Variants in M1AP observed in about 807,000 individuals in gnomAD.
The protein encoded by M1AP is meiosis 1 arrest protein.
M1AP carries 39 observed loss-of-function variants against 51.2 expected under a neutral mutation model. That is an observed-to-expected ratio of 0.76 (90% CI 0.59 to 1.00). The LOEUF (loss-of-function observed/expected upper bound fraction) is 1.00. M1AP is among the 50% of genes least tolerant of loss of function. M1AP has a pLI of 0.00. For missense variants in M1AP, 545 were observed against 641.2 expected (o/e 0.85, Z 1.62); for synonymous variants, 251 against 249.2 (o/e 1.01, Z -0.07).
intron 2 of M1AP, chr2:74,615,704 C>T (rs888917831): frequency 6.5e-6 from 1 of 153,030 alleles, no homozygotes; most frequent in African/African-American, 2.4e-5. Context: ...CATGTTAAAC[C>T]GAGACAAGCG....
chr2:74,616,747 T>C (rs1186832937), intron 2 of M1AP, among the ~76,000 whole-genome samples: 3 of 152,332 alleles, frequency 2.0e-5, no homozygotes, highest in South Asian at 4.1e-4. Context: ...TATACAAATT[T>C]TGAGAAATAA....
chr2:74,582,129 C>G (rs1679444457), intron 4 of M1AP, among the ~76,000 whole-genome samples: 3 of 152,146 alleles, frequency 2.0e-5, no homozygotes, highest in Admixed American at 6.5e-5. Flanking sequence ...GAGATGAGGT[C>G]TCGCTATGTT....
rs188258698 is a variant in M1AP at position 74,618,202 on chromosome 2, T to A, written c.241-3053A>T. Among the ~76,000 whole-genome samples, 47 of 152,298 alleles carry A rather than the reference T, an allele frequency of 3.1e-4. 1 individual carries two copies. The highest frequency in any genetic ancestry group is 1.1e-3 in the Admixed American group (17 of 15,300). The stretch of plus-strand genomic sequence containing the variant: ...TGAAGGAATTCCATGATCACAGATG[T>A]AATCAGCAGCCACAGCAATGGACCT... On this transcript the variant is annotated intron_variant, in intron 2 of 10. Transcript: ENST00000421985.
At chr2:74,602,397 C>CA in intron 4 of M1AP, among the ~76,000 whole-genome samples, 1 of 152,186 alleles carries the variant, frequency 6.6e-6, no homozygotes, top group East Asian at 1.9e-4. Flanking sequence ...CATCCATATA[C>CA]AAAAATTTTC....
At chr2:74,562,059 T>A in intron 8 of M1AP, 158 bp downstream of exon 8, 1 of 985,452 alleles carries the variant, frequency 1.0e-6, no homozygotes, top group Non-Finnish European at 1.2e-6. Context: ...ACTTCCTTCT[T>A]CTGGCATAAT....
chr2:74,647,352 C>G (rs1453722005), intron 1 of M1AP: 1 of 985,264 alleles, frequency 1.0e-6, no homozygotes, highest in Non-Finnish European at 1.2e-6. Context: ...GTTAGGGCCC[C>G]TTTACAAGCC....
At chr2:74,647,434 G>A (rs1403363119) in intron 1 of M1AP, 1 of 981,114 alleles carries the variant, frequency 1.0e-6, no homozygotes, top group African/African-American at 1.8e-5. Context: ...AAGATTTCGT[G>A]GGCCCTAAGG....
chr2:74,632,754 T>C (rs1682775282), intron 2 of M1AP, among the ~76,000 whole-genome samples: 1 of 152,184 alleles, frequency 6.6e-6, no homozygotes, highest in Non-Finnish European at 1.5e-5. Flanking sequence ...GTTAATCAGC[T>C]ACTATGACAG....
chr2:74,559,653 C>T (rs1041782054), intron 10 of M1AP, 45 bp downstream of exon 10: 1 of 718,264 alleles, frequency 1.4e-6, no homozygotes, highest in Non-Finnish European at 2.6e-6. Flanking sequence ...AGTTACTAAT[C>T]TTGGTCAGCC....
chr2:74,597,031 G>A (rs1167334538), intron 4 of M1AP, among the ~76,000 whole-genome samples: 1 of 152,198 alleles, frequency 6.6e-6, no homozygotes, highest in Non-Finnish European at 1.5e-5. Flanking sequence ...TGATCGTGAT[G>A]ATGATTTGTG....
At chr2:74,576,226 G>A (rs1679056783) in intron 6 of M1AP, among the ~76,000 whole-genome samples, 1 of 152,170 alleles carries the variant, frequency 6.6e-6, no homozygotes, top group Non-Finnish European at 1.5e-5. Context: ...CAATCCTCAT[G>A]CAGACCTCAG....
chr2:74,562,006 A>G, intron 8 of M1AP: 1 of 985,014 alleles, frequency 1.0e-6, no homozygotes, highest in Non-Finnish European at 1.2e-6. Flanking sequence ...ATTTCCCTCC[A>G]TTCTATTTCA....
chr2:74,578,554 G>A (rs1316257440), intron 5 of M1AP, among the ~76,000 whole-genome samples: 2 of 152,178 alleles, frequency 1.3e-5, no homozygotes, highest in Non-Finnish European at 2.9e-5. Context: ...CCAAAGCTGG[G>A]AAAGCTGTTT....
intron 2 of M1AP, chr2:74,615,599 T>G (rs1681619885): frequency 1.1e-5 from 2 of 175,768 alleles, no homozygotes; most frequent in African/African-American, 4.7e-5. Context: ...GGTTGATCAC[T>G]TCAGAATTCA....
chr2:74,586,024 C>A (rs1679684725), intron 4 of M1AP, among the ~76,000 whole-genome samples: 1 of 152,192 alleles, frequency 6.6e-6, no homozygotes, highest in African/African-American at 2.4e-5. Context: ...TACAAGTACC[C>A]TACCCTTCCC....
At chr2:74,579,801 C>G (rs776500566) in intron 5 of M1AP, among the ~76,000 whole-genome samples, 1 of 151,828 alleles carries the variant, frequency 6.6e-6, no homozygotes, top group African/African-American at 2.4e-5. Flanking sequence ...AAAAAAAAAT[C>G]TTTATTATTA....
Position 74,558,862 on chromosome 2 carries a change from G to A in M1AP, c.1447C>T (p.Gln483Ter). 6.3e-7 allele frequency: 1 copy of A among 1,592,928 alleles called. No homozygotes were observed. The highest frequency in any genetic ancestry group is 1.4e-5 in the African/African-American group (1 of 73,634). The change falls in exon 11 of 11, where the codon CAG becomes TAG. Residue 483 changes from glutamine to a stop codon, truncating the protein, a stop_gained. Coordinates refer to ENST00000421985, the MANE Select transcript of M1AP (RefSeq NM_001321739.2). LOFTEE classifies it low-confidence loss of function (END_TRUNC). The stretch of plus-strand genomic sequence containing the variant: ...ACAGTAGCTCGAGCTCGGTTGGTCT[G>A]CAACTGCCCAGTCTGCAAAGAGAGC... ...RKHPCKTGQL[Q>*]TNRARATVAP...
chr2:74,596,497 G>T (rs772283139), intron 4 of M1AP, among the ~76,000 whole-genome samples: 2 of 152,108 alleles, frequency 1.3e-5, no homozygotes, highest in Admixed American at 6.5e-5. Flanking sequence ...TAGGAGAATG[G>T]TGTGAACCTG....
At chr2:74,592,789 A>G (rs1020608089) in intron 4 of M1AP, among the ~76,000 whole-genome samples, 1 of 152,194 alleles carries the variant, frequency 6.6e-6, no homozygotes, top group African/African-American at 2.4e-5. Context: ...TATTATTTAC[A>G]TTTGGATCCC....
Sources: gnomAD v4.1 joint callset for allele counts (sites outside exome capture counted in the v4.1 genomes callset) on GRCh38, gnomAD v4.1.1 for gene constraint, MANE v1.5 for transcripts, NCBI Gene and HGNC (gene_info 2026-07-23, HGNC 2026-07-21) for gene names.